SCARF1: variants seen among roughly 807,000 people sequenced by gnomAD.
SCARF1 encodes acetyl LDL receptor.
In SCARF1, 49 loss-of-function variants were observed where a neutral mutation model predicts 76.3. The observed-to-expected ratio is 0.64, with a 90% CI of 0.51 to 0.81. The LOEUF (loss-of-function observed/expected upper bound fraction) is 0.81. Ranked by LOEUF, SCARF1 falls within the 40% of genes least tolerant of loss-of-function variation. The pLI is 0.00. For synonymous variants in SCARF1, 495 were observed against 474.6 expected (o/e 1.04, Z -0.56); for missense variants, 1,098 against 1,143.9 (o/e 0.96, Z 0.58).
rs1404975363 is a variant in SCARF1 at position 1,634,312 on chromosome 17, C to G, written c.*446G>C. On this transcript the variant is annotated 3_prime_UTR_variant, in exon 11 of 11. Transcript: ENST00000263071. ...GCTGAGGCAGGAGAAGGGCGTGAAC[C>G]CGGGAGGCAGAGCTTGCAGTGAGCC... The G allele has an allele frequency of 3.8e-6, 1 of 261,944 alleles. No homozygotes were observed. The allele number at this position is 261,944 out of a possible 1,614,324, so 16.2% of individuals were successfully genotyped here.
rs943675419 is a variant in SCARF1, at chr17:1,640,831, G to A, written c.792-165C>T. Among the ~76,000 whole-genome samples, 7 of 152,164 alleles carry A rather than the reference G, an allele frequency of 4.6e-5. No homozygotes were observed. Among genetic ancestry groups the A allele is most frequent in the African/African-American group, 1.7e-4 (7 of 41,438 alleles). ...TCAGTTTCCCCACGTTGTACAATGA[G>A]GACAAATGAGGGCTCTTACAGGATC... On this transcript the variant is annotated intron_variant, in intron 4 of 10. Coordinates refer to ENST00000263071, the MANE Select transcript of SCARF1 (RefSeq NM_003693.4). This position sits in a 1 kb window ranked among gnomAD's most constrained non-coding sequence, Gnocchi z 4.7.
In SCARF1 at chr17:1,644,422, T is replaced by C. The variant is rs990630719; in HGVS notation, c.265+412A>G. On this transcript the variant is annotated intron_variant, in intron 3 of 10. Transcript: ENST00000263071. This position sits in a 1 kb window ranked among gnomAD's most constrained non-coding sequence, Gnocchi z 4.8. ...TCCTTGATTCCTGATGCCCACCCTC[T>C]GGCTCTCCTGCTTCCCAACCCCTTT... 3.1e-5 allele frequency: 9 copies of C among 286,004 alleles called. No homozygotes were observed. Among genetic ancestry groups the C allele is most frequent in the African/African-American group, 8.8e-5 (4 of 45,536 alleles). 17.7% of individuals were successfully genotyped at this position (286,004 alleles called of 1,614,324 possible).
At position 1,634,323 on chromosome 17, in the gene SCARF1, A is replaced by G. The variant is rs1002542325; in HGVS notation, c.*435T>C. ...AGAAGGGCGTGAACCCGGGAGGCAG[A>G]GCTTGCAGTGAGCCGAGATCGCACC... On this transcript the variant is annotated 3_prime_UTR_variant, in exon 11 of 11. Coordinates refer to ENST00000263071, the MANE Select transcript of SCARF1 (RefSeq NM_003693.4). 7.0e-6 allele frequency: 2 copies of G among 285,714 alleles called. No individual in the cohort carries two copies. Among genetic ancestry groups the G allele is most frequent in the Non-Finnish European group, 1.3e-5 (2 of 156,356 alleles). 17.7% of individuals were successfully genotyped at this position (285,714 alleles called of 1,614,324 possible). A position where few individuals can be genotyped will look rare whatever the true frequency, so the allele number is the denominator to read the frequency against.
chr17:1,635,890 G>T (rs145112112), intron 10 of SCARF1, among the ~76,000 whole-genome samples: 4 of 151,934 alleles, frequency 2.6e-5, no homozygotes, highest in African/African-American at 9.7e-5. Context: ...CCAAAGTGCT[G>T]GGATCACAGG....
chr17:1,640,466 G>A lies in SCARF1; in HGVS notation c.992C>T (p.Pro331Leu), dbSNP rs1220920211. Residue 331 changes from proline to leucine, a missense_variant, in exon 5 of 11, where the codon CCT (proline) becomes CTT (leucine). Pro to Leu is a moderately conservative substitution (Grantham distance 98, BLOSUM62 -3). Coordinates refer to ENST00000263071, the MANE Select transcript of SCARF1 (RefSeq NM_003693.4). This position sits in a 1 kb window ranked among gnomAD's most constrained non-coding sequence, Gnocchi z 4.7. ...PDTGHCQRCD[P>L]GWLGPRCEDP... ...CCCTCACCTGGGCCCCAGCCAGCCA[G>A]GGTCACAGCGCTGACAGTGGCCAGT... The A allele has an allele frequency of 9.6e-6, 15 of 1,561,386 alleles. No individual in the cohort carries two copies. Among genetic ancestry groups the A allele is most frequent in the African/African-American group, 1.4e-5 (1 of 73,394 alleles).
Position 1,645,644 on chromosome 17 carries a change from C to A in SCARF1, c.54G>T (p.Gln18His). 1 of 1,609,148 alleles carries A rather than the reference C, an allele frequency of 6.2e-7. No individual in the cohort carries two copies. The change falls in exon 1 of 11, where the codon CAG becomes CAT. Residue 18 changes from glutamine to histidine, a missense_variant. Coordinates refer to ENST00000263071, the MANE Select transcript of SCARF1 (RefSeq NM_003693.4). The surrounding 1 kb of genome is among the most constrained non-coding windows in gnomAD (Gnocchi z 6.3). ...GCCCTTTGGGGTCCAGCTCGGACCC[C>A]TGAGTCCCCCGAGTCCAGAGCAGCA... ...PLLLLWTRGT[Q>H]GSELDPKGQH...
chr17:1,645,332 G>T lies in SCARF1; in HGVS notation c.102-93C>A. ...ACTGTCTCTGGCTGCAGTGGGGGAGGCTGCCTTAGCCCCCTGGGGAGGCCT... is the reference window on the plus strand; with the variant it reads ...ACTGTCTCTGGCTGCAGTGGGGGAGTCTGCCTTAGCCCCCTGGGGAGGCCT... On this transcript the variant is annotated intron_variant, in intron 1 of 10. Coordinates refer to ENST00000263071, the MANE Select transcript of SCARF1 (RefSeq NM_003693.4). This position sits in a 1 kb window ranked among gnomAD's most constrained non-coding sequence, Gnocchi z 6.3. The T allele has an allele frequency of 4.7e-6, 7 of 1,503,706 alleles. No individual in the cohort carries two copies. Among genetic ancestry groups the T allele is most frequent in the Non-Finnish European group, 6.3e-6 (7 of 1,104,380 alleles). 93.1% of individuals were successfully genotyped at this position (1,503,706 alleles called of 1,614,324 possible).
At chr17:1,637,327 CCTATCTATCTATCTAT>C (rs72522019) in intron 8 of SCARF1, among the ~76,000 whole-genome samples, 83 of 111,200 alleles carry the variant, frequency 7.5e-4, no homozygotes, top group Non-Finnish European at 1.0e-3. Flanking sequence ...TAAAACAGAT[CCTATCTATCTATCTAT>C]CTATCTATCT....
chr17:1,641,745 T>G (rs1269997737), intron 4 of SCARF1, among the ~76,000 whole-genome samples: 3 of 152,176 alleles, frequency 2.0e-5, no homozygotes, highest in African/African-American at 7.2e-5. Flanking sequence ...TCTTCAAGAC[T>G]GAGTCTCACT....
rs1479447138 is a variant in SCARF1 at position 1,643,753 on chromosome 17, G to A, written c.480C>T (p.Arg160=). The change falls in exon 4 of 11, where the codon CGC becomes CGT. Residue 160 remains arginine (R), a synonymous_variant. Coordinates refer to ENST00000263071, the MANE Select transcript of SCARF1 (RefSeq NM_003693.4). The part of the protein sequence containing the change: ...CEPGWWSSTC[R]RPCQCNTAAA... ...CCGCGGTGTTGCACTGGCACGGGCG[G>A]CGGCACGTGGACGACCACCAGCCGG... 5.4e-6 allele frequency: 7 copies of A among 1,293,252 alleles called. No individual in the cohort carries two copies. The South Asian group carries it at 7.2e-5, about 13-fold the overall frequency. The allele number at this position is 1,293,252 out of a possible 1,614,324, so 80.1% of individuals were successfully genotyped here.
At chr17:1,637,552 A>G (rs1909690160) in intron 8 of SCARF1, among the ~76,000 whole-genome samples, 1 of 151,832 alleles carries the variant, frequency 6.6e-6, no homozygotes, top group African/African-American at 2.4e-5. Context: ...GGCTCACCGC[A>G]ACCTTCGCCT....
At chr17:1,641,829 C>T (rs1034766898) in intron 4 of SCARF1, among the ~76,000 whole-genome samples, 8 of 152,360 alleles carry the variant, frequency 5.3e-5, no homozygotes, top group African/African-American at 1.9e-4. Flanking sequence ...TCAAGTGATT[C>T]TCCTGCCTCA....
Position 1,640,337 on chromosome 17 carries a change from T to C in SCARF1, c.1010+111A>G. 1 of 1,061,172 alleles carries C rather than the reference T, an allele frequency of 9.4e-7. No individual in the cohort carries two copies. Among genetic ancestry groups the C allele is most frequent in the Non-Finnish European group, 1.4e-6 (1 of 734,038 alleles). The allele number at this position is 1,061,172 out of a possible 1,614,324, so 65.7% of individuals were successfully genotyped here. On this transcript the variant is annotated intron_variant, in intron 5 of 10. Transcript: ENST00000263071. This position sits in a 1 kb window ranked among gnomAD's most constrained non-coding sequence, Gnocchi z 4.7. ...CAGTCTTCAACAGGAGGGAGGCCCC[T>C]GGGGCCGCATGAACCTGTGTGTCGG...
At chr17:1,642,017 CA>C (rs1330319775) in intron 4 of SCARF1, among the ~76,000 whole-genome samples, 1 of 152,272 alleles carries the variant, frequency 6.6e-6, no homozygotes, top group East Asian at 1.9e-4. Flanking sequence ...CCACCGCGCC[CA>C]GCCAGGGATG....
Position 1,640,028 on chromosome 17 carries a change from G to A in SCARF1, c.1023C>T (p.Pro341=), listed in dbSNP as rs753172077. Residue 341 remains proline, a synonymous_variant, in exon 6 of 11, where the codon CCC becomes CCT. Transcript: ENST00000263071. The surrounding 1 kb of genome is among the most constrained non-coding windows in gnomAD (Gnocchi z 4.7). ...CTTCCCCAAAGGTACCAGTGGGGCA[G>A]GGGTCTTCACACCTGGGGTGAGGCA... ...PGWLGPRCED[P]CPTGTFGEDC... The A allele has an allele frequency of 6.2e-7, 1 of 1,613,602 alleles. No individual in the cohort carries two copies. Among genetic ancestry groups the A allele is most frequent in the African/African-American group, 1.3e-5 (1 of 74,926 alleles).
In SCARF1 at chr17:1,644,176, C is replaced by T. The variant is rs920277201; in HGVS notation, c.266-209G>A. On this transcript the variant is annotated intron_variant, in intron 3 of 10. Coordinates refer to ENST00000263071, the MANE Select transcript of SCARF1 (RefSeq NM_003693.4). This position sits in a 1 kb window ranked among gnomAD's most constrained non-coding sequence, Gnocchi z 4.8. The stretch of plus-strand genomic sequence containing the variant: ...AAAACCCTTAGCCATTAGTGGGAGG[C>T]TCAGCCTGCCACTTCACATTCCAGA... The T allele has an allele frequency of 4.7e-5, 19 of 402,948 alleles. No individual in the cohort carries two copies. The highest frequency in any genetic ancestry group is 3.9e-4 in the African/African-American group (19 of 48,410). 25.0% of individuals were successfully genotyped at this position (402,948 alleles called of 1,614,324 possible).
Position 1,645,091 on chromosome 17 carries a change from G to A in SCARF1, c.163+87C>T. Reference sequence around the variant, plus strand: ...AACCCTGACTCCTGGTATCAGGAGGGGCAGGCCCCATGGGGTAGGAAGGAA... The same window carrying A: ...AACCCTGACTCCTGGTATCAGGAGGAGCAGGCCCCATGGGGTAGGAAGGAA... On this transcript the variant is annotated intron_variant, in intron 2 of 10. Transcript: ENST00000263071. The surrounding 1 kb of genome is among the most constrained non-coding windows in gnomAD (Gnocchi z 6.3). The A allele has an allele frequency of 2.5e-6, 4 of 1,574,168 alleles. No individual in the cohort carries two copies. The highest frequency in any genetic ancestry group is 1.1e-5 in the South Asian group (1 of 88,918).
chr17:1,642,238 G>C (rs1910116251), intron 4 of SCARF1, among the ~76,000 whole-genome samples: 1 of 151,460 alleles, frequency 6.6e-6, no homozygotes, highest in South Asian at 2.1e-4. Context: ...CATTGTGCAG[G>C]TTAGTTACAT....
chr17:1,643,237 C>A (rs2151099970), intron 4 of SCARF1: 1 of 93,792 alleles, frequency 1.1e-5, no homozygotes, highest in Admixed American at 9.9e-5. Flanking sequence ...ACCCCGCCCC[C>A]TCCCCGCCCA....
Sources: gnomAD v4.1 joint callset for allele counts (sites outside exome capture counted in the v4.1 genomes callset) on GRCh38, gnomAD v4.1.1 for gene constraint, Gnocchi (gnomAD v3.1) non-coding constraint, MANE v1.5 for transcripts, NCBI Gene and HGNC (gene_info 2026-07-23, HGNC 2026-07-21) for gene names.